TRMT44: variants seen among roughly 807,000 people sequenced by gnomAD.
TRMT44 encodes probable tRNA (uracil-O(2)-)-methyltransferase.
In TRMT44, 78 loss-of-function variants were observed where a neutral mutation model predicts 77.3. The ratio of observed to expected loss-of-function variants is 1.01; its 90% CI spans 0.84 to 1.22. The LOEUF (loss-of-function observed/expected upper bound fraction) is 1.22, where lower values mean the gene tolerates loss of function less well. Among genes scored for constraint, TRMT44 ranks in the 50% most tolerant of loss-of-function variants. The pLI is 0.00. For missense variants in TRMT44, 1,090 were observed against 964.4 expected, an observed-to-expected ratio of 1.13 and a Z score of -1.73; for synonymous variants, 391 against 383.3, an observed-to-expected ratio of 1.02 and a Z score of -0.23.
At position 8,444,292 on chromosome 4, in the gene TRMT44, T is replaced by C. The variant is rs1481952827; in HGVS notation, c.620-2184T>C. Among the ~76,000 whole-genome samples the C allele has an allele frequency of 6.6e-6, 1 of 151,004 alleles. No individual in the cohort carries two copies. Among genetic ancestry groups the C allele is most frequent in the Non-Finnish European group, 1.5e-5 (1 of 67,744 alleles). Reference sequence around the variant, plus strand: ...AGAGGGTGGGAAGGGGAGTGGAGGGTTGGGGGAGAGGTGGGATGGTTAAAG... The same window carrying C: ...AGAGGGTGGGAAGGGGAGTGGAGGGCTGGGGGAGAGGTGGGATGGTTAAAG... On this transcript the variant is annotated intron_variant, in intron 1 of 10. Transcript: ENST00000389737. The surrounding 1 kb of genome is among the most constrained non-coding windows in gnomAD (Gnocchi z 4.0).
intron 6 of TRMT44, among the ~76,000 whole-genome samples, chr4:8,460,136 A>G (rs918922205): frequency 6.6e-6 from 1 of 151,962 alleles, no homozygotes; most frequent in South Asian, 2.1e-4. Flanking sequence ...AGAGAAAATG[A>G]CTCCCTAATG....
chr4:8,504,051 C>T, the TRMT44 span, among the ~76,000 whole-genome samples: 1 of 152,136 alleles, frequency 6.6e-6, no homozygotes, highest in Admixed American at 6.5e-5. This position sits in a 1 kb window ranked among gnomAD's most constrained non-coding sequence, Gnocchi z 5.3. Flanking sequence ...CTCTCTCCTG[C>T]TCCCCCTCCA....
chr4:8,470,871 G>C, intron 9 of TRMT44: 2 of 490,908 alleles, frequency 4.1e-6, no homozygotes, highest in Non-Finnish European at 7.4e-6. Flanking sequence ...GCTGCGTCTT[G>C]TCAGGCTGTG....
chr4:8,449,949 C>CTTTTTTTTTCTTTTTTTTTTTTTT, intron 3 of TRMT44, 61 bp downstream of exon 3: 1 of 238,690 alleles, frequency 4.2e-6, no homozygotes, highest in Non-Finnish European at 6.1e-6. Flanking sequence ...CTTTTCTTTT[C>CTTTTTTTTTCTTTTTTTTTTTTTT]TTTTTTTTTT....
chr4:8,466,984 C>T (rs1726604284), intron 8 of TRMT44, among the ~76,000 whole-genome samples: 1 of 152,184 alleles, frequency 6.6e-6, no homozygotes, highest in African/African-American at 2.4e-5. Flanking sequence ...CCGCGCCTGG[C>T]CTTGTAGTTG....
Position 8,441,238 on chromosome 4 carries a change from C to T in TRMT44, c.416C>T (p.Ala139Val), listed in dbSNP as rs1005052780. The change falls in exon 1 of 11, where the codon GCC (alanine) becomes GTC (valine). Residue 139 changes from alanine (A) to valine (V), a missense_variant. Ala to Val is a moderately conservative substitution (Grantham distance 64). Transcript: ENST00000389737. The stretch of plus-strand genomic sequence containing the variant: ...GAAGGAAGGGAGGGCGACTTCCCCG[C>T]CGCAGATCTGGATTCGCTTTGGGAG... The part of the protein sequence containing the change: ...HAEGREGDFP[A>V]ADLDSLWEDF... The T allele has an allele frequency of 5.0e-5, 77 of 1,535,522 alleles. No homozygotes were observed. Among genetic ancestry groups the T allele is most frequent in the Non-Finnish European group, 6.3e-5 (72 of 1,146,604 alleles).
chr4:8,502,965 A>G, the TRMT44 span, among the ~76,000 whole-genome samples: 12 of 152,276 alleles, frequency 7.9e-5, no homozygotes, highest in African/African-American at 2.6e-4. Flanking sequence ...GCACACACAG[A>G]CTCAGCACAG....
rs1725686278 is a variant in TRMT44, at chr4:8,454,730, T to G, written c.1132-12T>G. The G allele has an allele frequency of 2.5e-6, 4 of 1,613,824 alleles. No homozygotes were observed. Among genetic ancestry groups the G allele is most frequent in the Non-Finnish European group, 3.4e-6 (4 of 1,179,792 alleles). On this transcript the variant is annotated splice_polypyrimidine_tract_variant and intron_variant, in intron 5 of 10. Coordinates refer to ENST00000389737, the MANE Select transcript of TRMT44 (RefSeq NM_152544.3). ...AAGGTTAACCTTTGATTTCTAAAAT[T>G]AATTTTTTCAGCATCCAGGCAGAGG...
chr4:8,472,951 C>G (rs1164118801), intron 10 of TRMT44, among the ~76,000 whole-genome samples: 1 of 152,178 alleles, frequency 6.6e-6, no homozygotes, highest in Non-Finnish European at 1.5e-5. Flanking sequence ...GATGAGTCTG[C>G]TTGTATGTCA....
At chr4:8,445,877 T>G (rs1343519224) in intron 1 of TRMT44, among the ~76,000 whole-genome samples, 1 of 152,218 alleles carries the variant, frequency 6.6e-6, no homozygotes, top group Non-Finnish European at 1.5e-5. Context: ...ACGATTGATT[T>G]TAGAGATAGA....
downstream of TRMT44, among the ~76,000 whole-genome samples, chr4:8,498,454 C>T (rs964627569): frequency 1.3e-5 from 2 of 152,192 alleles, no homozygotes; most frequent in Non-Finnish European, 2.9e-5. The surrounding 1 kb of genome is among the most constrained non-coding windows in gnomAD (Gnocchi z 4.3). Flanking sequence ...ATCTGCTCAG[C>T]TTCTGGGGAG....
At position 8,452,664 on chromosome 4, in the gene TRMT44, G is replaced by A. The variant is rs1290988686; in HGVS notation, c.1024-218G>A. Reference sequence around the variant, plus strand: ...CAGGAGAATTGCTTGAACCCAGGAGGCGGAGGTTGCAGTGACCAGAGATTG... The same window carrying A: ...CAGGAGAATTGCTTGAACCCAGGAGACGGAGGTTGCAGTGACCAGAGATTG... On this transcript the variant is annotated intron_variant, in intron 4 of 10. Coordinates refer to ENST00000389737, the MANE Select transcript of TRMT44 (RefSeq NM_152544.3). The surrounding 1 kb of genome is among the most constrained non-coding windows in gnomAD (Gnocchi z 5.7). 1.3e-5 allele frequency among the ~76,000 whole-genome samples: 2 copies of A among 152,044 alleles called. No individual in the cohort carries two copies. Among genetic ancestry groups the A allele is most frequent in the East Asian group, 3.9e-4 (2 of 5,188 alleles).
chr4:8,515,111 G>C, the TRMT44 span, among the ~76,000 whole-genome samples: 7 of 152,158 alleles, frequency 4.6e-5, no homozygotes, highest in African/African-American at 1.7e-4. Flanking sequence ...GACTACAGAC[G>C]TGTGCCACCA....
At chr4:8,480,576 T>G (rs372407364), downstream of TRMT44, among the ~76,000 whole-genome samples, 38 of 152,292 alleles carry the variant, frequency 2.5e-4, 3 homozygotes, top group East Asian at 5.6e-3. Flanking sequence ...CTTACCCAAT[T>G]CCTGAGATTT....
chr4:8,464,152 G>GCTACCCTTTTGGACACCAC, intron 7 of TRMT44, 61 bp downstream of exon 7: 1 of 1,404,970 alleles, frequency 7.1e-7, no homozygotes, highest in Non-Finnish European at 1.0e-6. Context: ...CTAAACAGTG[G>GCTACCCTTTTGGACACCAC]TGTCCAAAAG....
At chr4:8,480,764 G>A (rs1314099559), downstream of TRMT44, among the ~76,000 whole-genome samples, 1 of 152,170 alleles carries the variant, frequency 6.6e-6, no homozygotes, top group African/African-American at 2.4e-5. Flanking sequence ...GGGGTCTGGG[G>A]AGTCCTGCCC....
intron 1 of TRMT44, among the ~76,000 whole-genome samples, chr4:8,442,457 G>GT (rs1724804252): frequency 2.0e-5 from 3 of 152,234 alleles, no homozygotes; most frequent in Non-Finnish European, 4.4e-5. Flanking sequence ...AGCAGCATGT[G>GT]TTTCGTATTG....
chr4:8,492,237 A>G (rs1050106413), intron 2 of TRMT44, among the ~76,000 whole-genome samples: 4 of 152,190 alleles, frequency 2.6e-5, no homozygotes, highest in Non-Finnish European at 5.9e-5. Flanking sequence ...TCATGTTAAC[A>G]TTATGTAATG....
Position 8,444,098 on chromosome 4 carries a change from C to G in TRMT44, c.620-2378C>G, listed in dbSNP as rs1249444124. ...GGCTATGTGGATTTGAGACAGATTACTTAATCTGTTGAACGCCTGGTTTTC... is the reference window on the plus strand; with the variant it reads ...GGCTATGTGGATTTGAGACAGATTAGTTAATCTGTTGAACGCCTGGTTTTC... On this transcript the variant is annotated intron_variant, in intron 1 of 10. Transcript: ENST00000389737. This position sits in a 1 kb window ranked among gnomAD's most constrained non-coding sequence, Gnocchi z 4.0. Among the ~76,000 whole-genome samples the G allele has an allele frequency of 6.6e-6, 1 of 152,140 alleles. No individual in the cohort carries two copies. Among genetic ancestry groups the G allele is most frequent in the Non-Finnish European group, 1.5e-5 (1 of 68,028 alleles).
Sources: allele counts gnomAD v4.1 joint callset (sites outside exome capture counted in the v4.1 genomes callset), GRCh38; gene constraint gnomAD v4.1.1; non-coding constraint Gnocchi (gnomAD v3.1); transcripts MANE v1.5; gene names NCBI Gene and HGNC (gene_info 2026-07-23, HGNC 2026-07-21).